PARM1: variants seen among roughly 807,000 people sequenced by gnomAD.
PARM1 encodes WSC4, cell wall integrity and stress response component 4 homolog.
In PARM1, 14 loss-of-function variants were observed where a neutral mutation model predicts 24.6. That is an observed-to-expected ratio of 0.57 (90% CI 0.38 to 0.89). PARM1 has a LOEUF of 0.89. Ranked by LOEUF, PARM1 falls within the 40% of genes least tolerant of loss-of-function variation. PARM1 has a pLI of 0.00. For synonymous variants in PARM1, 179 were observed against 156.6 expected (o/e 1.14, Z -1.07); for missense variants, 362 against 380.4 (o/e 0.95, Z 0.40).
chr4:75,012,562 CACA>C lies in PARM1; in HGVS notation c.187_189del (p.Asn63del). On this transcript the variant is annotated inframe_deletion, in exon 2 of 4. Coordinates refer to ENST00000307428, the MANE Select transcript of PARM1 (RefSeq NM_015393.4). ...CACTGCCTCCCCATCCAACGGCACT[CACA>C]ACAACTCGGTGCTCCCAGTTACAGC... 3.1e-6 allele frequency: 5 copies of C among 1,613,964 alleles called. No individual in the cohort carries two copies. Among genetic ancestry groups the C allele is most frequent in the South Asian group, 2.2e-5 (2 of 91,070 alleles).
chr4:74,975,220 A>G (rs532738688), intron 1 of PARM1, among the ~76,000 whole-genome samples: 1 of 152,232 alleles, frequency 6.6e-6, no homozygotes, highest in Non-Finnish European at 1.5e-5. Flanking sequence ...ATCACTCTTT[A>G]AAAAACCAAG....
chr4:74,961,364 G>A lies in PARM1; in HGVS notation c.43+27994G>A, dbSNP rs141588310. Among the ~76,000 whole-genome samples, 165 of 152,044 alleles carry A rather than the reference G, an allele frequency of 1.1e-3. 1 individual carries two copies. Among genetic ancestry groups the A allele is most frequent in the Non-Finnish European group, 1.2e-3 (84 of 67,986 alleles). On this transcript the variant is annotated intron_variant, in intron 1 of 3. Coordinates refer to ENST00000307428, the MANE Select transcript of PARM1 (RefSeq NM_015393.4). ...AATGAAAGTCTCGGAAGGAGAAGAA[G>A]GAAAGAGAAAAGGGAAGCTAGATTA...
chr4:75,000,463 A>G (rs761266814), intron 1 of PARM1, among the ~76,000 whole-genome samples: 17 of 152,126 alleles, frequency 1.1e-4, no homozygotes, highest in Admixed American at 3.9e-4. Context: ...TTTCACTCTC[A>G]TCATTCTTAG....
At chr4:75,023,735 C>T (rs542729768) in intron 2 of PARM1, among the ~76,000 whole-genome samples, 29 of 152,142 alleles carry the variant, frequency 1.9e-4, no homozygotes, top group Non-Finnish European at 3.4e-4. Context: ...AGAGTCCAAA[C>T]AACTGAAGAT....
intron 2 of PARM1, among the ~76,000 whole-genome samples, chr4:75,018,273 G>A (rs914846593): frequency 2.6e-5 from 4 of 152,186 alleles, no homozygotes; most frequent in Admixed American, 6.5e-5. Context: ...TAGGAAGGAC[G>A]ACTTCAGGGC....
chr4:74,995,946 T>A (rs1050701613), intron 1 of PARM1, among the ~76,000 whole-genome samples: 6 of 152,156 alleles, frequency 3.9e-5, no homozygotes, highest in African/African-American at 7.2e-5. Flanking sequence ...TTTTTAGCCT[T>A]GTCTCTCATC....
rs1161009878 is a variant in PARM1 at position 74,961,004 on chromosome 4, CA to C, written c.43+27648del. Among the ~76,000 whole-genome samples, 897 of 95,468 alleles carry C rather than the reference CA, an allele frequency of 9.4e-3. 4 individuals carry two copies. Among genetic ancestry groups the C allele is most frequent in the Middle Eastern group, 0.043 (7 of 164 alleles). 62.6% of individuals were successfully genotyped at this position (95,468 alleles called of 152,430 possible). A position where few individuals can be genotyped will look rare whatever the true frequency, so the allele number is the denominator to read the frequency against. ...TGGGTGACTGAGCAAGACTCCGTCT[CA>C]AAAAAAAAAAAAAGATGCTCAAAGA... is the stretch of plus-strand genomic sequence containing the variant. On this transcript the variant is annotated intron_variant, in intron 1 of 3. Transcript: ENST00000307428.
intron 3 of PARM1, chr4:75,034,732 C>T (rs781317557): frequency 6.6e-6 from 1 of 152,238 alleles, no homozygotes; most frequent in Non-Finnish European, 1.5e-5. Context: ...GTGCCCATAA[C>T]AAAGGACAGA....
intron 3 of PARM1, among the ~76,000 whole-genome samples, chr4:75,039,529 A>T (rs1020121910): frequency 6.6e-6 from 1 of 152,022 alleles, no homozygotes; most frequent in Non-Finnish European, 1.5e-5. Context: ...GCGAGAAAAA[A>T]AAATAAAATA....
chr4:75,041,442 T>C (rs1298307902), intron 3 of PARM1, among the ~76,000 whole-genome samples: 1 of 152,178 alleles, frequency 6.6e-6, no homozygotes, highest in Non-Finnish European at 1.5e-5. Flanking sequence ...CACTAATGAT[T>C]GAATGGCAAG....
chr4:75,024,119 A>G (rs1269121951), intron 2 of PARM1, among the ~76,000 whole-genome samples: 1 of 152,152 alleles, frequency 6.6e-6, no homozygotes, highest in African/African-American at 2.4e-5. Context: ...AAAAATACCA[A>G]AAATTAGCCT....
chr4:74,985,446 G>A (rs745495099), intron 1 of PARM1, among the ~76,000 whole-genome samples: 51 of 152,184 alleles, frequency 3.4e-4, no homozygotes, highest in Non-Finnish European at 6.8e-4. Flanking sequence ...ACAGTGGGTG[G>A]TCCATTTCAT....
intron 1 of PARM1, among the ~76,000 whole-genome samples, chr4:74,940,599 T>C (rs1721285843): frequency 6.6e-6 from 1 of 152,178 alleles, no homozygotes; most frequent in South Asian, 2.1e-4. Context: ...CCTTGGAGAT[T>C]AGGATTTCAA....
At chr4:75,008,440 A>C (rs1489305276) in intron 1 of PARM1, among the ~76,000 whole-genome samples, 1 of 152,214 alleles carries the variant, frequency 6.6e-6, no homozygotes, top group Non-Finnish European at 1.5e-5. Flanking sequence ...TCAGCACTGT[A>C]ATGATTTCTA....
chr4:75,020,326 C>T (rs1723067512), intron 2 of PARM1, among the ~76,000 whole-genome samples: 1 of 152,094 alleles, frequency 6.6e-6, no homozygotes, highest in African/African-American at 2.4e-5. Flanking sequence ...CGGTGAGTGT[C>T]ACCACCATCT....
At chr4:74,963,021 T>C (rs571353163) in intron 1 of PARM1, among the ~76,000 whole-genome samples, 6 of 152,360 alleles carry the variant, frequency 3.9e-5, no homozygotes, top group Non-Finnish European at 7.3e-5. Context: ...CAAGATCTGA[T>C]GGTTTTATAA....
At chr4:75,039,506 C>A (rs1240112855) in intron 3 of PARM1, among the ~76,000 whole-genome samples, 2 of 152,100 alleles carry the variant, frequency 1.3e-5, no homozygotes, top group African/African-American at 4.8e-5. Context: ...TGCACTTCAG[C>A]CTGCGTGACA....
intron 3 of PARM1, among the ~76,000 whole-genome samples, chr4:75,041,693 C>T (rs1034452616): frequency 6.6e-6 from 1 of 152,112 alleles, no homozygotes; most frequent in Non-Finnish European, 1.5e-5. Flanking sequence ...TACCTCAAGC[C>T]ACAAATGTCA....
At chr4:75,045,993 T>C (rs1057074430) in intron 3 of PARM1, among the ~76,000 whole-genome samples, 170 bp from the exon 4 acceptor site, 4 of 152,074 alleles carry the variant, frequency 2.6e-5, no homozygotes, top group Non-Finnish European at 5.9e-5. Flanking sequence ...GACAGGGTGT[T>C]TGGTAGACCG....
Sources: allele counts gnomAD v4.1 joint callset (sites outside exome capture counted in the v4.1 genomes callset), GRCh38; gene constraint gnomAD v4.1.1; transcripts MANE v1.5; gene names NCBI Gene and HGNC (gene_info 2026-07-23, HGNC 2026-07-21).